SDHAF4: variants seen among roughly 807,000 people sequenced by gnomAD.
SDHAF4 encodes succinate dehydrogenase assembly factor 4, mitochondrial.
Under a neutral mutation model 14.3 loss-of-function variants are expected in SDHAF4, and 14 were observed. The ratio of observed to expected loss-of-function variants is 0.98; its 90% CI spans 0.65 to 1.53. The LOEUF (loss-of-function observed/expected upper bound fraction) is 1.53, where lower values mean the gene tolerates loss of function less well. Among genes scored for constraint, SDHAF4 ranks in the 40% most tolerant of loss-of-function variants. The probability of loss-of-function intolerance (pLI) is 0.00; values close to 1 mark genes in which losing one functional copy is unlikely to be tolerated. For missense variants in SDHAF4, 141 were observed against 129.3 expected, an observed-to-expected ratio of 1.09 and a Z score of -0.44; for synonymous variants, 63 against 47.3, an observed-to-expected ratio of 1.33 and a Z score of -1.36.
downstream of SDHAF4, among the ~76,000 whole-genome samples, chr6:70,594,536 C>T (rs189992349): frequency 1.1e-4 from 16 of 152,258 alleles, no homozygotes; most frequent in East Asian, 2.7e-3. Flanking sequence ...AGAGTCTAGT[C>T]TCCACCAGCG....
downstream of SDHAF4, among the ~76,000 whole-genome samples, chr6:70,593,484 A>T (rs12191321): frequency 0.13 from 19,657 of 152,236 alleles, 1,551 homozygotes; most frequent in Middle Eastern, 0.19. Context: ...GGGACCTCAG[A>T]ACTGTAGAGC....
intron 1 of SDHAF4, among the ~76,000 whole-genome samples, chr6:70,575,942 G>A (rs1802250744): frequency 6.7e-6 from 1 of 148,570 alleles, no homozygotes; most frequent in East Asian, 2.0e-4. Flanking sequence ...GTGTAGTCGA[G>A]GTAGTCAAAA....
chr6:70,576,107 GT>G (rs1802252271), intron 1 of SDHAF4, among the ~76,000 whole-genome samples: 1 of 152,132 alleles, frequency 6.6e-6, no homozygotes, highest in Non-Finnish European at 1.5e-5. Context: ...GAAGCTACTT[GT>G]ATGTGCTTCA....
At chr6:70,584,012 GGTT>G (rs113227748) in intron 2 of SDHAF4, among the ~76,000 whole-genome samples, 31,969 of 151,326 alleles carry the variant, frequency 0.21, 3,908 homozygotes, top group African/African-American at 0.33. Context: ...AGTTGAGTGA[GGTT>G]GTTGTTGTTG....
chr6:70,568,781 A>G (rs2128533163), intron 1 of SDHAF4, among the ~76,000 whole-genome samples: 1 of 152,278 alleles, frequency 6.6e-6, no homozygotes, highest in South Asian at 2.1e-4. Flanking sequence ...TTCTACCAGC[A>G]GTGTATTGGA....
downstream of SDHAF4, among the ~76,000 whole-genome samples, chr6:70,591,554 C>A (rs1361195398): frequency 2.6e-5 from 4 of 152,000 alleles, no homozygotes; most frequent in African/African-American, 9.7e-5. Context: ...TAGTCTCGAT[C>A]TCCTGATCTC....
intron 1 of SDHAF4, among the ~76,000 whole-genome samples, chr6:70,574,911 G>C (rs1398638887): frequency 2.1e-5 from 3 of 141,978 alleles, no homozygotes; most frequent in Non-Finnish European, 3.0e-5. Flanking sequence ...CTGGGCAACA[G>C]AGCAAGACCC....
At chr6:70,595,835 C>CAAAAAAAAAAA in the SDHAF4 span, among the ~76,000 whole-genome samples, 1 of 98,720 alleles carries the variant, frequency 1.0e-5, no homozygotes. Flanking sequence ...GACTCTATCT[C>CAAAAAAAAAAA]AAAAAAAAAA....
chr6:70,573,960 G>A (rs935770691), intron 1 of SDHAF4, among the ~76,000 whole-genome samples: 5 of 151,884 alleles, frequency 3.3e-5, no homozygotes, highest in African/African-American at 1.2e-4. Flanking sequence ...ATAGGTGTGA[G>A]CCACTGTGCC....
At chr6:70,567,112 G>A in intron 1 of SDHAF4, 108 bp downstream of exon 1, 3 of 1,124,142 alleles carry the variant, frequency 2.7e-6, no homozygotes, top group Non-Finnish European at 3.8e-6. Context: ...GCCGTTCGGT[G>A]TTGCCAGGGG....
chr6:70,568,387 G>C (rs563550524), intron 1 of SDHAF4, among the ~76,000 whole-genome samples: 1 of 152,148 alleles, frequency 6.6e-6, no homozygotes, highest in Non-Finnish European at 1.5e-5. Context: ...TCCAATTTAA[G>C]AAATAGTCTC....
chr6:70,594,552 C>A (rs1765284841), downstream of SDHAF4, among the ~76,000 whole-genome samples: 1 of 152,258 alleles, frequency 6.6e-6, no homozygotes, highest in African/African-American at 2.4e-5. Flanking sequence ...CAGCGAGACC[C>A]CATGAACTTG....
Position 70,567,024 on chromosome 6 carries a change from G to C in SDHAF4, c.64+20G>C, listed in dbSNP as rs578035484. Reference sequence around the variant, plus strand: ...CGGCAAGTAAGCACCTGGCCTCGGGGCCACGGTCGCGGGAGGGGTCGTGAA... The same window carrying C: ...CGGCAAGTAAGCACCTGGCCTCGGGCCCACGGTCGCGGGAGGGGTCGTGAA... On this transcript the variant is annotated intron_variant, in intron 1 of 2. Transcript: ENST00000370474. The C allele has an allele frequency of 6.4e-7, 1 of 1,569,600 alleles. No homozygotes were observed. Among genetic ancestry groups the C allele is most frequent in the African/African-American group, 1.4e-5 (1 of 74,070 alleles).
intron 1 of SDHAF4, among the ~76,000 whole-genome samples, chr6:70,571,173 TGTCTTACTGAGGTGTTCTTC>T (rs1489806655): frequency 1.3e-5 from 2 of 152,230 alleles, no homozygotes; most frequent in East Asian, 1.9e-4. Flanking sequence ...GATTTTTCTT[TGTCTTACTGAGGTGTTCTTC>T]GTCTTACTGA....
At chr6:70,584,582 G>T (rs1334392843) in intron 2 of SDHAF4, among the ~76,000 whole-genome samples, 1 of 152,178 alleles carries the variant, frequency 6.6e-6, no homozygotes, top group Non-Finnish European at 1.5e-5. Flanking sequence ...GACACTGAGA[G>T]CAGGAACCAG....
chr6:70,586,767 A>T (rs768489134), intron 2 of SDHAF4, among the ~76,000 whole-genome samples: 36 of 152,224 alleles, frequency 2.4e-4, no homozygotes, highest in Non-Finnish European at 4.3e-4. Flanking sequence ...AGTAAATTTT[A>T]AAAATATACT....
At chr6:70,593,455 G>A (rs181734160), downstream of SDHAF4, among the ~76,000 whole-genome samples, 42 of 152,300 alleles carry the variant, frequency 2.8e-4, no homozygotes, top group South Asian at 1.5e-3. Flanking sequence ...CTCTGGAGCC[G>A]CAGGGGCAGG....
At chr6:70,569,436 T>A (rs1802152397) in intron 1 of SDHAF4, among the ~76,000 whole-genome samples, 1 of 152,002 alleles carries the variant, frequency 6.6e-6, no homozygotes, top group African/African-American at 2.4e-5. Context: ...ACCCAGATAA[T>A]TTTTTGTATT....
At chr6:70,595,195 T>G in the SDHAF4 span, among the ~76,000 whole-genome samples, 194 of 152,274 alleles carry the variant, frequency 1.3e-3, no homozygotes, top group African/African-American at 4.5e-3. Flanking sequence ...TCCTCTGGCC[T>G]CACTCACTCT....
Sources: gnomAD v4.1 joint callset for allele counts (sites outside exome capture counted in the v4.1 genomes callset) on GRCh38, gnomAD v4.1.1 for gene constraint, MANE v1.5 for transcripts, NCBI Gene and HGNC (gene_info 2026-07-23, HGNC 2026-07-21) for gene names.